ADGRG6: variants seen among roughly 807,000 people sequenced by gnomAD.
ADGRG6 encodes adhesion G protein-coupled receptor G6.
In ADGRG6, 84 loss-of-function variants were observed where a neutral mutation model predicts 142.4. The ratio of observed to expected loss-of-function variants is 0.59; its 90% CI spans 0.49 to 0.71. The LOEUF is 0.71. Among genes scored for constraint, ADGRG6 ranks in the 30% least tolerant of loss-of-function variants. The pLI, the probability that ADGRG6 is intolerant of heterozygous loss-of-function variation, is 0.00. For synonymous variants in ADGRG6, 521 were observed against 520.5 expected (o/e 1.00, Z -0.01); for missense variants, 1,367 against 1,466.6 (o/e 0.93, Z 1.11).
rs1192873542 is a variant in ADGRG6, at chr6:142,405,564, G to A, written c.2128-124G>A. 7.0e-5 allele frequency: 52 copies of A among 742,856 alleles called. 1 individual carries two copies. In the East Asian group the frequency reaches 1.4e-3, roughly 20 times the overall value. 46.0% of individuals were successfully genotyped at this position (742,856 alleles called of 1,614,324 possible). On this transcript the variant is annotated intron_variant, in intron 14 of 24. Coordinates refer to ENST00000367609, the MANE Select transcript of ADGRG6 (RefSeq NM_198569.3). ...TTGCAGTGACTACTGTAGATACAAA[G>A]GGAAGTCCTGGTACTGGCTAATTTG... is the stretch of plus-strand genomic sequence containing the variant.
At chr6:142,345,283 A>G (rs977290972) in intron 2 of ADGRG6, among the ~76,000 whole-genome samples, 2 of 152,100 alleles carry the variant, frequency 1.3e-5, no homozygotes, top group Non-Finnish European at 2.9e-5. Flanking sequence ...GCCTAGGGGA[A>G]AAGTATAAGT....
chr6:142,320,522 C>T (rs908044737), intron 2 of ADGRG6, among the ~76,000 whole-genome samples: 16 of 152,002 alleles, frequency 1.1e-4, no homozygotes, highest in African/African-American at 3.6e-4. Context: ...AACAATGTTC[C>T]TTTACAGTCA....
At chr6:142,362,382 A>G (rs1279676748) in intron 2 of ADGRG6, among the ~76,000 whole-genome samples, 2 of 152,206 alleles carry the variant, frequency 1.3e-5, no homozygotes, top group Non-Finnish European at 1.5e-5. Flanking sequence ...TCAGGAAACC[A>G]TTGTTTTAGG....
intron 2 of ADGRG6, among the ~76,000 whole-genome samples, chr6:142,336,980 T>C (rs1779348231): frequency 1.3e-5 from 2 of 152,194 alleles, no homozygotes; most frequent in Admixed American, 6.5e-5. Flanking sequence ...AGAGCTAAAG[T>C]GTGGATGGTT....
intron 4 of ADGRG6, among the ~76,000 whole-genome samples, chr6:142,379,828 G>A (rs1264749143): frequency 6.6e-6 from 1 of 152,160 alleles, no homozygotes; most frequent in Non-Finnish European, 1.5e-5. Context: ...TCTGAGACAG[G>A]TTTCAATTAG....
chr6:142,361,325 A>G (rs1016007089), intron 2 of ADGRG6, among the ~76,000 whole-genome samples: 1 of 152,160 alleles, frequency 6.6e-6, no homozygotes, highest in Non-Finnish European at 1.5e-5. Flanking sequence ...ATTTCGTTTA[A>G]ATGCAAATTT....
At chr6:142,372,713 C>G (rs1303007585) in intron 4 of ADGRG6, among the ~76,000 whole-genome samples, 1 of 152,110 alleles carries the variant, frequency 6.6e-6, no homozygotes, top group African/African-American at 2.4e-5. Flanking sequence ...CTTGAGAAGT[C>G]TTTTATCAGA....
chr6:142,441,700 C>T (rs1777762823), intron 24 of ADGRG6, among the ~76,000 whole-genome samples: 1 of 152,140 alleles, frequency 6.6e-6, no homozygotes, highest in African/African-American at 2.4e-5. Flanking sequence ...TTTCTAAAAA[C>T]ACCAAGCACT....
At chr6:142,368,854 T>C (rs1234070353) in intron 3 of ADGRG6, among the ~76,000 whole-genome samples, 1 of 152,136 alleles carries the variant, frequency 6.6e-6, no homozygotes. Context: ...CAAATTAGAA[T>C]TACCTATACA....
At chr6:142,312,685 A>G (rs1387853896) in intron 2 of ADGRG6, among the ~76,000 whole-genome samples, 3 of 152,134 alleles carry the variant, frequency 2.0e-5, no homozygotes, top group Non-Finnish European at 4.4e-5. Flanking sequence ...ACATTGGTGT[A>G]TCACTCTCAC....
chr6:142,387,000 G>A (rs1249320258), intron 6 of ADGRG6, among the ~76,000 whole-genome samples: 1 of 152,152 alleles, frequency 6.6e-6, no homozygotes, highest in Non-Finnish European at 1.5e-5. Flanking sequence ...AGGGGACCTG[G>A]CCAGGCATTG....
chr6:142,358,362 G>A (rs568960479), intron 2 of ADGRG6, among the ~76,000 whole-genome samples: 1 of 152,186 alleles, frequency 6.6e-6, no homozygotes, highest in Non-Finnish European at 1.5e-5. Context: ...CATAAGAGTA[G>A]TCACTTTGCT....
intron 2 of ADGRG6, among the ~76,000 whole-genome samples, chr6:142,346,073 T>C (rs1779884865): frequency 6.6e-6 from 1 of 152,174 alleles, no homozygotes; most frequent in Admixed American, 6.5e-5. Context: ...TGGGTTAGGA[T>C]AGTGGGCTGC....
At position 142,309,159 on chromosome 6, in the gene ADGRG6, G is replaced by T. The variant is rs571119937; in HGVS notation, c.3-385G>T. 1.8e-3 allele frequency among the ~76,000 whole-genome samples: 270 copies of T among 151,942 alleles called. 2 individuals are homozygous for T. Among genetic ancestry groups the T allele is most frequent in the African/African-American group, 6.0e-3 (251 of 41,498 alleles). On this transcript the variant is annotated intron_variant, in intron 1 of 24. Coordinates refer to ENST00000367609, the MANE Select transcript of ADGRG6 (RefSeq NM_198569.3). ...AATCTGAATTTCTGGGAGATTATAA[G>T]GAAGGTTGATAGAAACATCCTTCTT...
At chr6:142,363,173 T>C (rs1441007614) in intron 2 of ADGRG6, among the ~76,000 whole-genome samples, 1 of 152,184 alleles carries the variant, frequency 6.6e-6, no homozygotes, top group East Asian at 1.9e-4. Flanking sequence ...TTATTCAATA[T>C]CATCCACAAA....
intron 2 of ADGRG6, among the ~76,000 whole-genome samples, chr6:142,365,632 A>G (rs775606551): frequency 2.6e-5 from 4 of 152,230 alleles, no homozygotes; most frequent in Non-Finnish European, 5.9e-5. Context: ...CTTGATGATC[A>G]TCATTTATTT....
intron 2 of ADGRG6, among the ~76,000 whole-genome samples, chr6:142,339,779 C>T (rs966689594): frequency 6.6e-6 from 1 of 152,138 alleles, no homozygotes; most frequent in African/African-American, 2.4e-5. Context: ...TTAATTGCAA[C>T]TCTTTTTACT....
chr6:142,371,080 G>A (rs9496355), intron 4 of ADGRG6: 12 of 337,490 alleles, frequency 3.6e-5, no homozygotes, highest in Admixed American at 8.9e-5. Context: ...AGTTTATCAC[G>A]AATATAACAA....
chr6:142,343,710 G>A (rs1011274678), intron 2 of ADGRG6, among the ~76,000 whole-genome samples: 1 of 151,778 alleles, frequency 6.6e-6, no homozygotes. Flanking sequence ...TCCAAGAATA[G>A]TAACATTAAA....
Sources: allele counts gnomAD v4.1 joint callset (sites outside exome capture counted in the v4.1 genomes callset), GRCh38; gene constraint gnomAD v4.1.1; transcripts MANE v1.5; gene names NCBI Gene and HGNC (gene_info 2026-07-23, HGNC 2026-07-21).